The following PTPRM variants were observed in gnomAD, a reference collection of about 807,000 sequenced individuals.
The protein encoded by PTPRM is receptor-type tyrosine-protein phosphatase mu.
In PTPRM, 47 loss-of-function variants were observed where a neutral mutation model predicts 186.7. That is an observed-to-expected ratio of 0.25 (90% confidence interval 0.20 to 0.32). The LOEUF (loss-of-function observed/expected upper bound fraction) is 0.32. Among genes scored for constraint, PTPRM ranks in the 10% least tolerant of loss-of-function variants. PTPRM has a pLI of 1.00. For missense variants in PTPRM, 1,494 were observed against 1,865.0 expected (o/e 0.80, Z 3.66); for synonymous variants, 668 against 674.9 (o/e 0.99, Z 0.16).
In PTPRM at chr18:8,013,151, C is replaced by T. The variant is rs142561278; in HGVS notation, c.1133-56535C>T. Among the ~76,000 whole-genome samples the T allele has an allele frequency of 3.3e-5, 5 of 152,180 alleles. No individual in the cohort carries two copies. The East Asian group carries it at 7.7e-4, about 23-fold the overall frequency. On this transcript the variant is annotated intron_variant, in intron 7 of 32. Coordinates refer to ENST00000580170, the MANE Select transcript of PTPRM (RefSeq NM_001105244.2). ...GGTTCAGTTTCACCAGCATAAAAAC[C>T]TTCAAAAAGCAGTATGAAAATAGTA... is the stretch of plus-strand genomic sequence containing the variant.
chr18:7,618,491 A>C (rs1347120194), intron 1 of PTPRM, among the ~76,000 whole-genome samples: 1 of 152,192 alleles, frequency 6.6e-6, no homozygotes, highest in Non-Finnish European at 1.5e-5. Context: ...TAAATTGAGG[A>C]TGTGACAAGT....
At chr18:8,185,935 A>T (rs1292921899) in intron 14 of PTPRM, among the ~76,000 whole-genome samples, 11 of 152,228 alleles carry the variant, frequency 7.2e-5, no homozygotes, top group African/African-American at 2.2e-4. Flanking sequence ...CCCAGGGGGA[A>T]ATCTGGTTTC....
chr18:8,326,875 G>A (rs2095380407), intron 22 of PTPRM, among the ~76,000 whole-genome samples: 1 of 152,114 alleles, frequency 6.6e-6, no homozygotes. Context: ...ATAGCATTTT[G>A]GACATAGGCC....
chr18:7,695,987 A>G (rs192664516), intron 1 of PTPRM, among the ~76,000 whole-genome samples: 9 of 152,336 alleles, frequency 5.9e-5, no homozygotes, highest in Admixed American at 3.9e-4. Context: ...AATACTTTCA[A>G]TATTCTAGTG....
chr18:8,381,322 A>T (rs1411759829), intron 29 of PTPRM, among the ~76,000 whole-genome samples: 1 of 151,028 alleles, frequency 6.6e-6, no homozygotes, highest in Non-Finnish European at 1.5e-5. Context: ...TCTGGAAATG[A>T]ATTAATTTCC....
At chr18:7,829,004 G>A (rs2145699542) in intron 2 of PTPRM, among the ~76,000 whole-genome samples, 1 of 152,178 alleles carries the variant, frequency 6.6e-6, no homozygotes, top group African/African-American at 2.4e-5. Flanking sequence ...TACATTCAGT[G>A]CTGTTAATTC....
At chr18:7,897,243 G>C (rs1448261534) in intron 3 of PTPRM, among the ~76,000 whole-genome samples, 1 of 152,172 alleles carries the variant, frequency 6.6e-6, no homozygotes, top group African/African-American at 2.4e-5. Flanking sequence ...CCAGAATTTG[G>C]GCTTTGCTGA....
intron 22 of PTPRM, among the ~76,000 whole-genome samples, chr18:8,320,756 TC>T (rs1353895834): frequency 6.6e-6 from 1 of 152,184 alleles, no homozygotes; most frequent in African/African-American, 2.4e-5. Context: ...ACTAGGTTAC[TC>T]TGCACTCAGG....
chr18:7,981,770 T>C (rs1476842730), intron 7 of PTPRM, among the ~76,000 whole-genome samples: 3 of 152,216 alleles, frequency 2.0e-5, no homozygotes, highest in Non-Finnish European at 4.4e-5. Flanking sequence ...CCAGGCTATA[T>C]GGTATAGCCA....
At chr18:8,352,173 T>C (rs1327113490) in intron 23 of PTPRM, among the ~76,000 whole-genome samples, 1 of 152,214 alleles carries the variant, frequency 6.6e-6, no homozygotes, top group Non-Finnish European at 1.5e-5. Flanking sequence ...AACAATGAAC[T>C]GTGATACATG....
At chr18:8,146,300 C>T (rs1286358182) in intron 14 of PTPRM, among the ~76,000 whole-genome samples, 2 of 152,056 alleles carry the variant, frequency 1.3e-5, no homozygotes, top group Admixed American at 6.6e-5. Flanking sequence ...GGATTACAGG[C>T]GTGAGCCACC....
At chr18:8,205,180 A>G (rs2093910895) in intron 14 of PTPRM, among the ~76,000 whole-genome samples, 1 of 152,222 alleles carries the variant, frequency 6.6e-6, no homozygotes, top group African/African-American at 2.4e-5. Context: ...AACATTAATA[A>G]ATAGAAAGCT....
intron 1 of PTPRM, among the ~76,000 whole-genome samples, chr18:7,639,448 G>A (rs148561509): frequency 1.2e-4 from 18 of 151,156 alleles, no homozygotes; most frequent in African/African-American, 3.9e-4. Context: ...GTGCGATGGC[G>A]TGATCTTGGC....
chr18:8,307,996 T>A (rs2095239589), intron 20 of PTPRM, among the ~76,000 whole-genome samples: 1 of 152,160 alleles, frequency 6.6e-6, no homozygotes, highest in South Asian at 2.1e-4. Context: ...CATGAGCTAT[T>A]ATTACAAGGG....
At chr18:8,019,846 A>G (rs1212359386) in intron 7 of PTPRM, among the ~76,000 whole-genome samples, 2 of 148,996 alleles carry the variant, frequency 1.3e-5, no homozygotes, top group Non-Finnish European at 3.0e-5. Flanking sequence ...TTAAATATAT[A>G]AATTTAACTT....
chr18:8,003,289 C>A (rs2083980297), intron 7 of PTPRM, among the ~76,000 whole-genome samples: 1 of 152,204 alleles, frequency 6.6e-6, no homozygotes, highest in Non-Finnish European at 1.5e-5. Context: ...CCTACGGCGA[C>A]ATAAGACAAG....
chr18:7,964,179 T>TAA, intron 7 of PTPRM, among the ~76,000 whole-genome samples: 1 of 152,232 alleles, frequency 6.6e-6, no homozygotes, highest in African/African-American at 2.4e-5. Context: ...GTCCTATGCA[T>TAA]AATCTGTATG....
chr18:8,343,147 ACTTT>A (rs1218472222), intron 22 of PTPRM, among the ~76,000 whole-genome samples: 4 of 152,220 alleles, frequency 2.6e-5, no homozygotes, highest in African/African-American at 9.6e-5. Flanking sequence ...TGGAGAAATA[ACTTT>A]CTTTCACGGT....
intron 7 of PTPRM, among the ~76,000 whole-genome samples, chr18:7,996,362 A>C (rs568672036): frequency 1.3e-5 from 2 of 152,126 alleles, no homozygotes. Context: ...ATATCTCCTC[A>C]TGATAAAGTC....
Sources: allele counts gnomAD v4.1 joint callset (sites outside exome capture counted in the v4.1 genomes callset), GRCh38; gene constraint gnomAD v4.1.1; transcripts MANE v1.5; gene names NCBI Gene and HGNC (gene_info 2026-07-23, HGNC 2026-07-21).